ZNF160: variants seen among roughly 807,000 people sequenced by gnomAD.
ZNF160 encodes KRAB zinc finger protein KR18.
Under a neutral mutation model 13.1 loss-of-function variants are expected in ZNF160, and 9 were observed. The ratio of observed to expected loss-of-function variants is 0.69; its 90% confidence interval spans 0.41 to 1.20. The LOEUF is 1.20. Among genes scored for constraint, ZNF160 ranks in the 50% most tolerant of loss-of-function variants. The pLI is 0.01. For missense variants in ZNF160, 838 were observed against 988.0 expected (o/e 0.85, Z 2.04); for synonymous variants, 293 against 333.2 (o/e 0.88, Z 1.31).
chr19:53,072,189 C>T (rs906245555), intron 5 of ZNF160, among the ~76,000 whole-genome samples: 16 of 151,978 alleles, frequency 1.1e-4, no homozygotes, highest in African/African-American at 3.1e-4. Context: ...GCAACCCCCG[C>T]CTCCAGGGTT....
At chr19:53,081,295 A>G (rs2145719999) in intron 3 of ZNF160, among the ~76,000 whole-genome samples, 1 of 152,328 alleles carries the variant, frequency 6.6e-6, no homozygotes, top group Non-Finnish European at 1.5e-5. Flanking sequence ...GAGCTTGTAC[A>G]CAGAAAAACA....
intron 2 of ZNF160, among the ~76,000 whole-genome samples, chr19:53,088,381 T>C (rs1020116303): frequency 3.3e-5 from 5 of 152,086 alleles, no homozygotes; most frequent in African/African-American, 9.7e-5. Flanking sequence ...TAAGCAATAA[T>C]TGAAGACAAA....
chr19:53,096,430 G>A (rs540857180), intron 1 of ZNF160, among the ~76,000 whole-genome samples: 22 of 151,510 alleles, frequency 1.5e-4, no homozygotes, highest in Non-Finnish European at 2.2e-4. Context: ...AAGGGCAAGC[G>A]CAAGTCCACC....
At position 53,073,351 on chromosome 19, in the gene ZNF160, C is replaced by T. The variant is rs114810540; in HGVS notation, c.271+789G>A. 5 of 1,598,014 alleles carry T rather than the reference C, an allele frequency of 3.1e-6. No homozygotes were observed. The South Asian group carries it at 5.5e-5, about 18-fold the overall frequency. The stretch of plus-strand genomic sequence containing the variant: ...TGAGAACAATCTTAGAAGATAGAAC[C>T]CACTCGCTTATCACACACCCCCATG... On this transcript the variant is annotated intron_variant, in intron 5 of 5. Coordinates refer to ENST00000683776, the MANE Select transcript of ZNF160 (RefSeq NM_001322131.2).
At chr19:53,079,675 A>G (rs1040856537) in intron 3 of ZNF160, among the ~76,000 whole-genome samples, 11 of 149,534 alleles carry the variant, frequency 7.4e-5, no homozygotes, top group African/African-American at 2.4e-4. Flanking sequence ...AAAAAAAAAA[A>G]GGGACTGCAT....
At position 53,067,822 on chromosome 19, in the gene ZNF160, A is replaced by C; in HGVS notation, c.*255T>G. On this transcript the variant is annotated 3_prime_UTR_variant, in exon 6 of 6. Transcript: ENST00000683776. Reference sequence around the variant, plus strand: ...CCTCACTTACCATCGGTCACTGGGTAATGGCCTCAGGATGCATATTACATT... The same window carrying C: ...CCTCACTTACCATCGGTCACTGGGTCATGGCCTCAGGATGCATATTACATT... 1 of 402,166 alleles carries C rather than the reference A, an allele frequency of 2.5e-6. No homozygotes were observed. Among genetic ancestry groups the C allele is most frequent in the Non-Finnish European group, 4.4e-6 (1 of 227,760 alleles). 24.9% of individuals were successfully genotyped at this position (402,166 alleles called of 1,614,324 possible).
At position 53,093,162 on chromosome 19, in the gene ZNF160, C is replaced by T. The variant is rs183599748; in HGVS notation, c.-353-1442G>A. Among the ~76,000 whole-genome samples, 385 of 152,260 alleles carry T rather than the reference C, an allele frequency of 2.5e-3. 2 individuals carry two copies. The highest frequency in any genetic ancestry group is 8.6e-3 in the African/African-American group (358 of 41,542). ...TAAAAAGGATATTTCTGGCCGGGCA[C>T]GGTGGTTCATGCCTGTAATCCCAGC... On this transcript the variant is annotated intron_variant, in intron 1 of 5. Coordinates refer to ENST00000683776, the MANE Select transcript of ZNF160 (RefSeq NM_001322131.2).
At chr19:53,079,692 G>A (rs1299519586) in intron 3 of ZNF160, among the ~76,000 whole-genome samples, 2 of 141,696 alleles carry the variant, frequency 1.4e-5, no homozygotes, top group Non-Finnish European at 3.0e-5. Context: ...GCATCCAACC[G>A]AAAAACTTTT....
At chr19:53,077,985 T>C (rs1366352585) in intron 3 of ZNF160, among the ~76,000 whole-genome samples, 1 of 152,150 alleles carries the variant, frequency 6.6e-6, no homozygotes, top group Non-Finnish European at 1.5e-5. Flanking sequence ...CTCACGCCTG[T>C]AATCCCAGCA....
intron 3 of ZNF160, chr19:53,085,912 A>C: frequency 1.1e-6 from 1 of 870,494 alleles, no homozygotes; most frequent in South Asian, 1.6e-5. Context: ...CTTCATGGGC[A>C]GCTTCTGTTA....
chr19:53,068,969 G>A lies in ZNF160; in HGVS notation c.1565C>T (p.Ser522Leu). ...GATTGCCTGATGGGTAGTCAGACTT[G>A]AACGAACACTGAAGGCTTTCCCACA... ...NECGKAFSVRSSLTTHQAIHS... is the reference protein window; with the variant it reads ...NECGKAFSVRLSLTTHQAIHS... Residue 522 changes from serine (S) to leucine (L), a missense_variant, in exon 6 of 6, where the codon TCA becomes TTA. Physicochemically the swap from Ser to Leu is moderately radical, Grantham distance 145. Around this residue, in one of 3 missense-constraint regions of ZNF160, gnomAD observed 400 missense variants for 538.9 expected, o/e 0.74. Coordinates refer to ENST00000683776, the MANE Select transcript of ZNF160 (RefSeq NM_001322131.2). 1 of 1,613,990 alleles carries A rather than the reference G, an allele frequency of 6.2e-7. No individual in the cohort carries two copies. Among genetic ancestry groups the A allele is most frequent in the Non-Finnish European group, 8.5e-7 (1 of 1,180,000 alleles).
intron 1 of ZNF160, among the ~76,000 whole-genome samples, chr19:53,098,914 C>G (rs1266834347): frequency 6.6e-6 from 1 of 150,558 alleles, no homozygotes; most frequent in East Asian, 1.9e-4. Flanking sequence ...CTTACATAGA[C>G]TGGAATAAAT....
At chr19:53,084,314 G>A (rs1314647605) in intron 3 of ZNF160, among the ~76,000 whole-genome samples, 3 of 152,154 alleles carry the variant, frequency 2.0e-5, no homozygotes, top group Admixed American at 6.5e-5. Context: ...TTTTAAAAGC[G>A]CCTGCTTTCT....
chr19:53,073,221 G>A, intron 5 of ZNF160: 1 of 1,442,620 alleles, frequency 6.9e-7, no homozygotes, highest in African/African-American at 1.4e-5. Context: ...ACAACATGCA[G>A]TACTTGTATT....
chr19:53,089,192 G>A (rs996620030), intron 2 of ZNF160, among the ~76,000 whole-genome samples: 2 of 152,144 alleles, frequency 1.3e-5, no homozygotes, highest in Non-Finnish European at 2.9e-5. Flanking sequence ...ATTTGAAGTG[G>A]GGGTAGCCCT....
Position 53,068,680 on chromosome 19 carries a change from C to T in ZNF160, c.1854G>A (p.Glu618=), listed in dbSNP as rs201140913. 34 of 1,613,764 alleles carry T rather than the reference C, an allele frequency of 2.1e-5. No individual in the cohort carries two copies. In the Admixed American group the frequency reaches 4.7e-4, roughly 22 times the overall value. Reference sequence around the variant, plus strand: ...CGCATTCATGACATTTGTAAGGTTTCTCTCCAGTATGTATTGCCTGATGAA... The same window carrying T: ...CGCATTCATGACATTTGTAAGGTTTTTCTCCAGTATGTATTGCCTGATGAA... The part of the protein sequence containing the change: ...LTFHQAIHTG[E]KPYKCHECGK... Residue 618 remains glutamate, a synonymous_variant, in exon 6 of 6, where the codon GAG becomes GAA. Transcript: ENST00000683776.
In ZNF160 at chr19:53,086,315, C is replaced by T; in HGVS notation, c.-39G>A. ...TCTTTCCTCTTCCTCTTCTTCCAGA[C>T]TTCTTCCTTGGGTAACATAAAAGAG... is the stretch of plus-strand genomic sequence containing the variant. On this transcript the variant is annotated 5_prime_UTR_variant, in exon 3 of 6. Coordinates refer to ENST00000683776, the MANE Select transcript of ZNF160 (RefSeq NM_001322131.2). 6.4e-7 allele frequency: 1 copy of T among 1,573,834 alleles called. No homozygotes were observed. The highest frequency in any genetic ancestry group is 8.6e-7 in the Non-Finnish European group (1 of 1,162,966).
chr19:53,075,652 C>A lies in ZNF160; in HGVS notation c.16-469G>T. ...GAATACATGAGAGAATACATCCCAG[C>A]TCCTCACTCCTTTCCCATATCTCAA... On this transcript the variant is annotated intron_variant, in intron 3 of 5. Coordinates refer to ENST00000683776, the MANE Select transcript of ZNF160 (RefSeq NM_001322131.2). 8.2e-6 allele frequency: 4 copies of A among 488,900 alleles called. 1 individual carries two copies. Among genetic ancestry groups the A allele is most frequent in the South Asian group, 5.9e-5 (4 of 68,132 alleles). 30.3% of individuals were successfully genotyped at this position (488,900 alleles called of 1,614,324 possible).
chr19:53,069,564 G>A lies in ZNF160; in HGVS notation c.970C>T (p.His324Tyr), dbSNP rs1469005284. ...CGATGAGTTGCAAGGTATGAATTGTGCCTGAAGACCTTGCCACACTCATGA... is the reference window on the plus strand; with the variant it reads ...CGATGAGTTGCAAGGTATGAATTGTACCTGAAGACCTTGCCACACTCATGA... ...KCHECGKVFR[H>Y]NSYLATHRRI... The change falls in exon 6 of 6, where the codon CAC (histidine) becomes TAC (tyrosine). Residue 324 changes from histidine to tyrosine, a missense_variant. Coordinates refer to ENST00000683776, the MANE Select transcript of ZNF160 (RefSeq NM_001322131.2). This position sits in a 1 kb window ranked among gnomAD's most constrained non-coding sequence, Gnocchi z 4.4. 2 of 1,613,930 alleles carry A rather than the reference G, an allele frequency of 1.2e-6. No individual in the cohort carries two copies. The highest frequency in any genetic ancestry group is 1.7e-5 in the Admixed American group (1 of 59,984).
Sources: allele counts gnomAD v4.1 joint callset (sites outside exome capture counted in the v4.1 genomes callset), GRCh38; gene constraint gnomAD v4.1.1; regional missense constraint gnomAD v4.1.1; non-coding constraint Gnocchi (gnomAD v3.1); transcripts MANE v1.5; gene names NCBI Gene and HGNC (gene_info 2026-07-23, HGNC 2026-07-21).